The following TG variants were observed in gnomAD, a reference collection of about 807,000 sequenced individuals.
TG encodes the protein thyroid hormones.
A neutral mutation model predicts 324.7 loss-of-function variants in TG; 270 were observed. That is an observed-to-expected ratio of 0.83 (90% confidence interval 0.75 to 0.92). TG has a LOEUF of 0.92. Among genes scored for constraint, TG ranks in the 40% least tolerant of loss-of-function variants. The pLI, the probability that TG is intolerant of heterozygous loss-of-function variation, is 0.00. For synonymous variants in TG, 1,401 were observed against 1,327.0 expected (o/e 1.06, Z -1.21); for missense variants, 3,591 against 3,456.4 (o/e 1.04, Z -0.98).
At chr8:133,021,327 C>T (rs1038305690) in intron 39 of TG, among the ~76,000 whole-genome samples, 21 of 152,276 alleles carry the variant, frequency 1.4e-4, no homozygotes, top group African/African-American at 5.1e-4. Context: ...CGCCAAGGAC[C>T]CAGAATGCTT....
At position 133,021,991 on chromosome 8, in the gene TG, G is replaced by T. The variant is rs137871955; in HGVS notation, c.6877G>T (p.Ala2293Ser). The T allele has an allele frequency of 2.5e-6, 4 of 1,614,118 alleles. No individual in the cohort carries two copies. In the African/African-American group the frequency reaches 4.0e-5, roughly 16 times the overall value. The change falls in exon 40 of 48, where the codon GCC becomes TCC. Residue 2293 changes from alanine to serine, a missense_variant and splice_region_variant. Coordinates refer to ENST00000220616, the MANE Select transcript of TG (RefSeq NM_003235.5). ...CCTCATGTTTCTCCAATACCCACAG[G>T]CCCCTAACGCGTCTGTGCTGGTGTT... ...YLNVFIPQNV[A>S]PNASVLVFFH... is the part of the protein sequence containing the mutation.
chr8:132,868,999 C>T (rs180204), intron 2 of TG, among the ~76,000 whole-genome samples: 31,631 of 152,198 alleles, frequency 0.21, 3,506 homozygotes, highest in Non-Finnish European at 0.26. Flanking sequence ...TGCCTAACCT[C>T]CCACGAGTGT....
chr8:133,112,970 T>C (rs1850385289), intron 43 of TG, among the ~76,000 whole-genome samples: 1 of 152,172 alleles, frequency 6.6e-6, no homozygotes. Flanking sequence ...ATTCATATGA[T>C]GAGTGACTGA....
In TG at chr8:132,923,430, G is replaced by C. The variant is rs758336562; in HGVS notation, c.4621G>C (p.Ala1541Pro). The C allele has an allele frequency of 3.3e-5, 54 of 1,614,030 alleles. 1 individual carries two copies. The South Asian group carries it at 5.9e-4, about 18-fold the overall frequency. ...ASQKDRGSGK[A>P]FCVDGEGRRL... ...CCAGAAGGACAGGGGCAGTGGGAAG[G>C]CCTTCTGTGTGGACGGCGAGGGGCG... is the stretch of plus-strand genomic sequence containing the variant. The change falls in exon 22 of 48, where the codon GCC becomes CCC. Residue 1541 changes from alanine (A) to proline (P), a missense_variant. Coordinates refer to ENST00000220616, the MANE Select transcript of TG (RefSeq NM_003235.5).
chr8:133,102,100 C>T (rs1253071130), intron 43 of TG, among the ~76,000 whole-genome samples: 1 of 152,176 alleles, frequency 6.6e-6, no homozygotes, highest in Middle Eastern at 3.2e-3. Context: ...GTTCTTTTCC[C>T]TTAATTTTTT....
At chr8:132,960,471 G>T (rs570909354) in intron 27 of TG, among the ~76,000 whole-genome samples, 9 of 152,286 alleles carry the variant, frequency 5.9e-5, no homozygotes, top group African/African-American at 1.9e-4. Flanking sequence ...ATCCAGAGTG[G>T]GATCCAGGGG....
intron 35 of TG, chr8:132,994,945 G>A: frequency 1.8e-6 from 2 of 1,084,414 alleles, no homozygotes; most frequent in Non-Finnish European, 2.3e-6. Flanking sequence ...CTTGTTGTGA[G>A]AGGGGTTGGC....
intron 24 of TG, 27 bp from the exon 25 acceptor site, chr8:132,935,729 A>C: frequency 6.4e-7 from 1 of 1,563,862 alleles, no homozygotes; most frequent in Non-Finnish European, 8.8e-7. Context: ...ATTGCAGGAT[A>C]ATAATGCAGC....
intron 20 of TG, among the ~76,000 whole-genome samples, chr8:132,915,750 A>C (rs1010708855): frequency 2.0e-5 from 3 of 152,234 alleles, no homozygotes; most frequent in African/African-American, 7.2e-5. Flanking sequence ...ACAGAAGGTG[A>C]GCTGAATTTG....
Position 132,899,996 on chromosome 8 carries a change from C to T in TG, c.3331-241C>T, listed in dbSNP as rs926231840. On this transcript the variant is annotated intron_variant, in intron 14 of 47. Transcript: ENST00000220616. ...TCCCTCTCTGAGAGATCTTCAGTTT[C>T]ACCCACCCAAAAGCGGGAGAACTGT... Among the ~76,000 whole-genome samples the T allele has an allele frequency of 3.3e-5, 5 of 152,286 alleles. No individual in the cohort carries two copies. In the East Asian group the frequency reaches 7.7e-4, roughly 24 times the overall value.
intron 38 of TG, 83 bp from the exon 39 acceptor site, chr8:133,019,519 G>A: frequency 8.7e-7 from 1 of 1,153,636 alleles, no homozygotes; most frequent in Non-Finnish European, 1.3e-6. Context: ...TTTGGAATGG[G>A]GTAGTGGGCT....
intron 26 of TG, among the ~76,000 whole-genome samples, chr8:132,948,329 GAGAA>G (rs1211152122): frequency 6.6e-6 from 1 of 152,112 alleles, no homozygotes; most frequent in Non-Finnish European, 1.5e-5. Context: ...GCGAGAGAGA[GAGAA>G]AGAGAGAGAG....
At position 133,131,027 on chromosome 8, in the gene TG, G is replaced by A. The variant is rs73708883; in HGVS notation, c.7863-785G>A. Among the ~76,000 whole-genome samples, 6 of 152,246 alleles carry A rather than the reference G, an allele frequency of 3.9e-5. No homozygotes were observed. In the South Asian group the frequency reaches 8.3e-4, roughly 21 times the overall value. ...GAAACAAGACAGCTTCAACAAGACC[G>A]GCAGTGGGGTATGACTCACCTTCCA... On this transcript the variant is annotated intron_variant, in intron 45 of 47. Coordinates refer to ENST00000220616, the MANE Select transcript of TG (RefSeq NM_003235.5).
At chr8:133,133,705 C>T (rs779234781) in intron 47 of TG, 45 bp downstream of exon 47, 2 of 1,592,866 alleles carry the variant, frequency 1.3e-6, no homozygotes, top group Non-Finnish European at 8.6e-7. Flanking sequence ...GTGTTGATCT[C>T]AGCATCTGCT....
intron 1 of TG, among the ~76,000 whole-genome samples, chr8:132,867,774 C>T (rs575727582): frequency 5.1e-5 from 6 of 118,156 alleles, no homozygotes; most frequent in South Asian, 3.1e-4. Context: ...ATGGGAATTG[C>T]GGCAGGGTGG....
intron 20 of TG, among the ~76,000 whole-genome samples, chr8:132,919,172 C>T (rs1049417777): frequency 6.6e-6 from 1 of 152,168 alleles, no homozygotes. Flanking sequence ...TGTCACTTCC[C>T]GGACAGCAGG....
intron 45 of TG, among the ~76,000 whole-genome samples, chr8:133,125,809 G>GA (rs1240623962): frequency 6.6e-6 from 1 of 152,016 alleles, no homozygotes; most frequent in African/African-American, 2.4e-5. Context: ...GGTGCAGAGG[G>GA]AAAAAAATGA....
In TG at chr8:132,911,463, A is replaced by C. The variant is rs768821686; in HGVS notation, c.4089A>C (p.Gly1363=). 1.2e-6 allele frequency: 2 copies of C among 1,614,028 alleles called. No individual in the cohort carries two copies. Among genetic ancestry groups the C allele is most frequent in the Admixed American group, 3.3e-5 (2 of 60,002 alleles). The change falls in exon 19 of 48, where the codon GGA becomes GGC. Residue 1363 remains glycine (G), a synonymous_variant. Transcript: ENST00000220616. ...QVGCLTRERL[G]VNVTWKSRLE... is the part of the protein sequence containing the mutation. ...GTTGTCTGACCAGGGAGCGTTTAGG[A>C]GTGAATGTTACATGGAAATCACGGC... is the stretch of plus-strand genomic sequence containing the variant.
At position 132,888,142 on chromosome 8, in the gene TG, G is replaced by C; in HGVS notation, c.2335G>C (p.Glu779Gln). 1 of 1,614,012 alleles carries C rather than the reference G, an allele frequency of 6.2e-7. No homozygotes were observed. The highest frequency in any genetic ancestry group is 2.2e-5 in the East Asian group (1 of 44,868). ...WRQVQCNGPP[E>Q]QVFELYQRWE... ...ACAAGTGCAATGCAATGGGCCTCCT[G>C]AGCAGGTCTTCGAGTTGTACCAACG... The change falls in exon 10 of 48, where the codon GAG (glutamate) becomes CAG (glutamine). Residue 779 changes from glutamate (E) to glutamine (Q), a missense_variant. Physicochemically the swap from Glu to Gln is conservative, Grantham distance 29. Transcript: ENST00000220616.
Sources: allele counts gnomAD v4.1 joint callset (sites outside exome capture counted in the v4.1 genomes callset), GRCh38; gene constraint gnomAD v4.1.1; transcripts MANE v1.5; gene names NCBI Gene and HGNC (gene_info 2026-07-23, HGNC 2026-07-21).